SPATS2: variants seen among roughly 807,000 people sequenced by gnomAD.
SPATS2 encodes the protein spermatogenesis-associated serine-rich protein 2.
In SPATS2, 38 loss-of-function variants were observed where a neutral mutation model predicts 63.7. That is an observed-to-expected ratio of 0.60 (90% confidence interval 0.46 to 0.78). SPATS2 has a LOEUF of 0.78. Among genes scored for constraint, SPATS2 ranks in the 30% least tolerant of loss-of-function variants. The pLI is 0.00. For synonymous variants in SPATS2, 207 were observed against 232.9 expected, an observed-to-expected ratio of 0.89 and a Z score of 1.01; for missense variants, 588 against 666.2, an observed-to-expected ratio of 0.88 and a Z score of 1.29.
At chr12:49,523,957 A>T (rs988088171) in intron 12 of SPATS2, among the ~76,000 whole-genome samples, 43 of 152,178 alleles carry the variant, frequency 2.8e-4, no homozygotes, top group Non-Finnish European at 6.2e-4. Context: ...GGATCAAAAA[A>T]AAAAAAGTGA....
chr12:49,379,375 G>A (rs1488022513), intron 2 of SPATS2, among the ~76,000 whole-genome samples: 3 of 148,650 alleles, frequency 2.0e-5, no homozygotes, highest in Non-Finnish European at 3.0e-5. Flanking sequence ...GTGAAACCCC[G>A]TCTCTACTAA....
intron 3 of SPATS2, among the ~76,000 whole-genome samples, chr12:49,467,050 T>G (rs1183041083): frequency 3.8e-5 from 5 of 130,218 alleles, no homozygotes; most frequent in Non-Finnish European, 6.6e-5. Flanking sequence ...CTTTGTTTTT[T>G]TTTTTTTTTT....
intron 2 of SPATS2, among the ~76,000 whole-genome samples, chr12:49,446,061 A>G (rs189152477): frequency 1.3e-5 from 2 of 151,554 alleles, no homozygotes; most frequent in East Asian, 3.9e-4. Flanking sequence ...GCGCCACCAC[A>G]CCCAGATAAT....
At chr12:49,436,828 C>T (rs1263576040) in intron 2 of SPATS2, among the ~76,000 whole-genome samples, 4 of 141,720 alleles carry the variant, frequency 2.8e-5, no homozygotes, top group Middle Eastern at 4.2e-3. Context: ...GCGCCCCTCA[C>T]CTCCTGGACG....
At chr12:49,477,039 A>G (rs1370656458) in intron 3 of SPATS2, among the ~76,000 whole-genome samples, 1 of 151,622 alleles carries the variant, frequency 6.6e-6, no homozygotes, top group Non-Finnish European at 1.5e-5. Flanking sequence ...TGGGAGGCGG[A>G]GGTTGCAGTG....
chr12:49,412,819 TTTAAAG>T (rs1195263085), intron 2 of SPATS2, among the ~76,000 whole-genome samples: 2 of 152,260 alleles, frequency 1.3e-5, no homozygotes, highest in East Asian at 3.9e-4. Context: ...TCAAATAATA[TTTAAAG>T]TTAGATTGGC....
chr12:49,368,221 G>T (rs1480790841), intron 1 of SPATS2, among the ~76,000 whole-genome samples: 6 of 152,150 alleles, frequency 3.9e-5, no homozygotes, highest in Admixed American at 3.9e-4. Context: ...TTAGAAAGTG[G>T]ATCTTTCTCA....
At chr12:49,441,776 A>G (rs1381182996) in intron 2 of SPATS2, 1 of 152,202 alleles carries the variant, frequency 6.6e-6, no homozygotes, top group Non-Finnish European at 1.5e-5. Flanking sequence ...CCTTAAGAGG[A>G]TATCAAGTTC....
At chr12:49,426,937 A>G (rs1377484144) in intron 2 of SPATS2, among the ~76,000 whole-genome samples, 1 of 152,204 alleles carries the variant, frequency 6.6e-6, no homozygotes, top group Non-Finnish European at 1.5e-5. Context: ...CTTACAGATA[A>G]TGCTGCTGTA....
intron 2 of SPATS2, chr12:49,390,200 C>A (rs1434994157): frequency 1.6e-6 from 2 of 1,248,106 alleles, no homozygotes; most frequent in South Asian, 2.7e-5. Flanking sequence ...TTACATGGCT[C>A]CCAGTGGTCA....
At chr12:49,513,612 C>G (rs1446975963) in intron 9 of SPATS2, among the ~76,000 whole-genome samples, 1 of 152,208 alleles carries the variant, frequency 6.6e-6, no homozygotes, top group Non-Finnish European at 1.5e-5. Flanking sequence ...TACCAGAAAT[C>G]TGTAATTCCA....
intron 9 of SPATS2, among the ~76,000 whole-genome samples, chr12:49,505,718 T>G (rs59570650): frequency 0.014 from 2,116 of 152,346 alleles, 47 homozygotes; most frequent in African/African-American, 0.046. Context: ...AAGTAGGTAT[T>G]GTTAATTCTG....
chr12:49,452,519 T>TA (rs1379023469), intron 2 of SPATS2, among the ~76,000 whole-genome samples: 1 of 152,150 alleles, frequency 6.6e-6, no homozygotes, highest in Non-Finnish European at 1.5e-5. Context: ...CCTCAAGCGA[T>TA]ACTCCAACCT....
chr12:49,495,690 C>T (rs938615971), intron 7 of SPATS2, among the ~76,000 whole-genome samples: 1 of 152,078 alleles, frequency 6.6e-6, no homozygotes, highest in African/African-American at 2.4e-5. Flanking sequence ...ATTGCAGCCT[C>T]CGGCATAAAT....
At chr12:49,476,156 G>A (rs1946113575) in intron 3 of SPATS2, among the ~76,000 whole-genome samples, 1 of 152,156 alleles carries the variant, frequency 6.6e-6, no homozygotes, top group African/African-American at 2.4e-5. Flanking sequence ...CCAGCAGGAA[G>A]ACACACAGGT....
At chr12:49,386,391 T>C (rs1333496447) in intron 2 of SPATS2, among the ~76,000 whole-genome samples, 1 of 152,194 alleles carries the variant, frequency 6.6e-6, no homozygotes, top group Non-Finnish European at 1.5e-5. Flanking sequence ...CTCAAACTCC[T>C]GACCTCTCAG....
At chr12:49,404,773 A>G (rs768255385) in intron 2 of SPATS2, among the ~76,000 whole-genome samples, 2 of 152,116 alleles carry the variant, frequency 1.3e-5, no homozygotes, top group Non-Finnish European at 2.9e-5. Context: ...CAACATTCCT[A>G]TGTACCAGGG....
intron 2 of SPATS2, among the ~76,000 whole-genome samples, chr12:49,393,222 A>C (rs1384584923): frequency 6.6e-6 from 1 of 152,098 alleles, no homozygotes; most frequent in East Asian, 1.9e-4. Flanking sequence ...GTGATTATTA[A>C]AATTTTTTCC....
intron 2 of SPATS2, among the ~76,000 whole-genome samples, chr12:49,438,246 A>G (rs900077772): frequency 2.1e-4 from 32 of 152,346 alleles, no homozygotes; most frequent in African/African-American, 7.7e-4. Flanking sequence ...TTGTTTAACA[A>G]TGCCTATGAG....
Sources: gnomAD v4.1 joint callset for allele counts (sites outside exome capture counted in the v4.1 genomes callset) on GRCh38, gnomAD v4.1.1 for gene constraint, MANE v1.5 for transcripts, NCBI Gene and HGNC (gene_info 2026-07-23, HGNC 2026-07-21) for gene names.